The following KLHL1 variants were observed in gnomAD, a reference collection of about 807,000 sequenced individuals.
KLHL1 encodes the protein kelch like family member 1.
Under a neutral mutation model 77.7 loss-of-function variants are expected in KLHL1, and 47 were observed. The ratio of observed to expected loss-of-function variants is 0.60; its 90% CI spans 0.48 to 0.77. The LOEUF (loss-of-function observed/expected upper bound fraction) is 0.77. Among genes scored for constraint, KLHL1 ranks in the 30% least tolerant of loss-of-function variants. KLHL1 has a pLI of 0.00. For synonymous variants in KLHL1, 360 were observed against 325.2 expected (o/e 1.11, Z -1.15); for missense variants, 925 against 910.8 (o/e 1.02, Z -0.20).
intron 1 of KLHL1, among the ~76,000 whole-genome samples, chr13:69,990,340 TG>T (rs1247910063): frequency 6.6e-6 from 1 of 151,942 alleles, no homozygotes; most frequent in Non-Finnish European, 1.5e-5. Flanking sequence ...TGAATGTAAA[TG>T]GGATAAATGT....
In KLHL1 at chr13:69,975,645, C is replaced by G. The variant is rs1863218993; in HGVS notation, c.655G>C (p.Gly219Arg). The change falls in exon 2 of 11, where the codon GGG becomes CGG. Residue 219 changes from glycine to arginine, a missense_variant. Physicochemically the swap from Gly to Arg is moderately radical, Grantham distance 125. Transcript: ENST00000377844. ...QQLCDVILIVGNRKIPAHRLV... is the reference protein window; with the variant it reads ...QQLCDVILIVRNRKIPAHRLV... The stretch of plus-strand genomic sequence containing the variant: ...CTATGTGCAGGTATCTTTCGGTTCC[C>G]AACAATCAGGATAACATCACAAAGT... 6.2e-7 allele frequency: 1 copy of G among 1,613,194 alleles called. No individual in the cohort carries two copies. Among genetic ancestry groups the G allele is most frequent in the Non-Finnish European group, 8.5e-7 (1 of 1,179,584 alleles).
chr13:70,100,271 AATTT>A (rs1357001885), intron 1 of KLHL1, among the ~76,000 whole-genome samples: 3 of 151,904 alleles, frequency 2.0e-5, no homozygotes, highest in African/African-American at 7.2e-5. Flanking sequence ...ATTATTTCAT[AATTT>A]ATTAATATTA....
At chr13:69,729,120 T>C (rs1446653896) in intron 8 of KLHL1, among the ~76,000 whole-genome samples, 1 of 152,130 alleles carries the variant, frequency 6.6e-6, no homozygotes, top group Admixed American at 6.6e-5. Context: ...CTATATTGTT[T>C]GGGGAATCTG....
intron 1 of KLHL1, among the ~76,000 whole-genome samples, chr13:69,998,194 A>G (rs368453056): frequency 1.3e-5 from 2 of 152,084 alleles, no homozygotes; most frequent in East Asian, 1.9e-4. Context: ...AAGCAAGAGA[A>G]GCCTCTGCTT....
rs999222324 is a variant in KLHL1, at chr13:69,813,025, A to G, written c.1415-16063T>C. 1.3e-4 allele frequency among the ~76,000 whole-genome samples: 19 copies of G among 150,686 alleles called. No homozygotes were observed. The East Asian group carries it at 2.1e-3, about 17-fold the overall frequency. ...TGCTGCTATAAAGATACATGCACACATATGTTTATTGTGGCACTATTCACA... is the reference window on the plus strand; with the variant it reads ...TGCTGCTATAAAGATACATGCACACGTATGTTTATTGTGGCACTATTCACA... On this transcript the variant is annotated intron_variant, in intron 6 of 10. Transcript: ENST00000377844.
At chr13:70,007,365 C>T (rs1038562978) in intron 1 of KLHL1, among the ~76,000 whole-genome samples, 56 of 151,684 alleles carry the variant, frequency 3.7e-4, no homozygotes, top group African/African-American at 1.3e-3. Context: ...AATACATATA[C>T]ATCTATATAG....
rs139604873 is a variant in KLHL1, at chr13:69,745,317, T to C, written c.1640-4761A>G. The stretch of plus-strand genomic sequence containing the variant: ...ATTGGATGTCTCTTATTATTAATTA[T>C]ATCATTTTATCAATTTGTAGTAGTT... On this transcript the variant is annotated intron_variant, in intron 7 of 10. Coordinates refer to ENST00000377844, the MANE Select transcript of KLHL1 (RefSeq NM_020866.3). Among the ~76,000 whole-genome samples the C allele has an allele frequency of 3.5e-3, 531 of 152,054 alleles. 2 individuals carry two copies. The highest frequency in any genetic ancestry group is 6.9e-3 in the Non-Finnish European group (469 of 67,902).
intron 7 of KLHL1, among the ~76,000 whole-genome samples, chr13:69,769,120 G>A (rs575766315): frequency 4.0e-4 from 61 of 152,302 alleles, no homozygotes; most frequent in African/African-American, 1.4e-3. Context: ...CAGGAGTACA[G>A]AGGAAAGAAT....
chr13:69,704,889 CTCAATATATCATTA>C (rs1399090879), intron 10 of KLHL1, among the ~76,000 whole-genome samples: 1 of 151,654 alleles, frequency 6.6e-6, no homozygotes, highest in Non-Finnish European at 1.5e-5. Context: ...TAACAAAATT[CTCAATATATCATTA>C]TCAATATATC....
At chr13:69,723,065 G>T (rs1046847121) in intron 8 of KLHL1, among the ~76,000 whole-genome samples, 1 of 151,940 alleles carries the variant, frequency 6.6e-6, no homozygotes, top group Non-Finnish European at 1.5e-5. Context: ...AGCAAAATAA[G>T]CCAGGCACAG....
chr13:69,705,983 A>G (rs1344766716), intron 10 of KLHL1, among the ~76,000 whole-genome samples: 3 of 151,792 alleles, frequency 2.0e-5, no homozygotes, highest in African/African-American at 4.8e-5. Flanking sequence ...TAAGTGGAAC[A>G]TTTAAAATAC....
intron 1 of KLHL1, among the ~76,000 whole-genome samples, chr13:70,029,448 T>C (rs541158303): frequency 3.3e-5 from 5 of 152,178 alleles, no homozygotes; most frequent in Non-Finnish European, 7.3e-5. Context: ...GGGCCAATAT[T>C]CAACATTCTT....
At chr13:69,918,732 A>AT (rs1445883757) in intron 4 of KLHL1, among the ~76,000 whole-genome samples, 2 of 152,074 alleles carry the variant, frequency 1.3e-5, no homozygotes, top group Non-Finnish European at 2.9e-5. Flanking sequence ...CTCCTGTAAA[A>AT]TTTTTCAAAT....
intron 5 of KLHL1, among the ~76,000 whole-genome samples, chr13:69,852,278 T>G (rs1879721616): frequency 6.6e-6 from 1 of 151,900 alleles, no homozygotes; most frequent in Non-Finnish European, 1.5e-5. Context: ...GTAAAAAGCA[T>G]CTGGAACTGT....
intron 2 of KLHL1, among the ~76,000 whole-genome samples, chr13:69,969,826 A>C (rs190929329): frequency 6.6e-6 from 1 of 152,312 alleles, no homozygotes; most frequent in Non-Finnish European, 1.5e-5. Flanking sequence ...TAGTTCTATT[A>C]ATGCTAGAGA....
intron 5 of KLHL1, among the ~76,000 whole-genome samples, chr13:69,845,533 A>C (rs1266067018): frequency 6.6e-6 from 1 of 151,662 alleles, no homozygotes; most frequent in African/African-American, 2.4e-5. Flanking sequence ...AGCAATTTCA[A>C]CTTAAATATG....
chr13:69,950,629 C>T (rs570248959), intron 3 of KLHL1, among the ~76,000 whole-genome samples: 129 of 151,692 alleles, frequency 8.5e-4, no homozygotes, highest in Middle Eastern at 6.8e-3. Flanking sequence ...ACTTAAGTAA[C>T]ATAATTTGTC....
At chr13:69,845,705 G>A (rs1403163323) in intron 5 of KLHL1, among the ~76,000 whole-genome samples, 1 of 151,378 alleles carries the variant, frequency 6.6e-6, no homozygotes, top group Non-Finnish European at 1.5e-5. Context: ...GGAAAATGAT[G>A]ATAAAATTTA....
Position 69,842,570 on chromosome 13 carries a change from A to T in KLHL1, c.1228-3408T>A, listed in dbSNP as rs147871670. 1.1e-3 allele frequency among the ~76,000 whole-genome samples: 169 copies of T among 151,992 alleles called. 1 individual carries two copies. The Middle Eastern group carries it at 0.017, about 15-fold the overall frequency. On this transcript the variant is annotated intron_variant, in intron 5 of 10. Transcript: ENST00000377844. ...ATGGTGTGAATGAGGAGAAAATGAA[A>T]CTTACATAGTGTTTGTTGGAAGGTA... is the stretch of plus-strand genomic sequence containing the variant.
Sources: gnomAD v4.1 joint callset for allele counts (sites outside exome capture counted in the v4.1 genomes callset) on GRCh38, gnomAD v4.1.1 for gene constraint, MANE v1.5 for transcripts, NCBI Gene and HGNC (gene_info 2026-07-23, HGNC 2026-07-21) for gene names.